Variants in CSGALNACT1 observed in about 807,000 individuals in gnomAD.
CSGALNACT1 encodes the protein beta4GalNAcT-1.
Under a neutral mutation model 51.0 loss-of-function variants are expected in CSGALNACT1, and 52 were observed. The observed-to-expected ratio is 1.02, with a 90% confidence interval of 0.82 to 1.29. CSGALNACT1 has a LOEUF of 1.29. Ranked by LOEUF, CSGALNACT1 falls within the 50% of genes most tolerant of loss-of-function variation. The pLI, the probability that CSGALNACT1 is intolerant of heterozygous loss-of-function variation, is 0.00. For synonymous variants in CSGALNACT1, 341 were observed against 254.4 expected, an observed-to-expected ratio of 1.34 and a Z score of -3.24; for missense variants, 935 against 679.2, an observed-to-expected ratio of 1.38 and a Z score of -4.19.
At chr8:19,731,367 G>A (rs2063683021) in intron 1 of CSGALNACT1, among the ~76,000 whole-genome samples, 1 of 152,090 alleles carries the variant, frequency 6.6e-6, no homozygotes, top group Admixed American at 6.6e-5. Context: ...AATTAGGCAG[G>A]CGTGGTGGCC....
At chr8:19,444,197 C>A (rs1201861208) in intron 5 of CSGALNACT1, among the ~76,000 whole-genome samples, 1 of 152,168 alleles carries the variant, frequency 6.6e-6, no homozygotes, top group Non-Finnish European at 1.5e-5. Context: ...GGGATATAAC[C>A]TACATACATC....
intron 1 of CSGALNACT1, among the ~76,000 whole-genome samples, chr8:19,628,969 G>C (rs533948314): frequency 6.6e-6 from 1 of 152,300 alleles, no homozygotes; most frequent in East Asian, 1.9e-4. Context: ...CCATAGGAAA[G>C]ACTGTATTCC....
intron 3 of CSGALNACT1, among the ~76,000 whole-genome samples, chr8:19,559,952 T>A (rs2040337574): frequency 1.3e-5 from 2 of 152,172 alleles, no homozygotes; most frequent in Admixed American, 6.5e-5. Context: ...AAGACTCTCT[T>A]GAAGTACCAG....
chr8:19,479,635 T>C (rs2070784261), intron 4 of CSGALNACT1, among the ~76,000 whole-genome samples: 1 of 151,850 alleles, frequency 6.6e-6, no homozygotes, highest in Non-Finnish European at 1.5e-5. Flanking sequence ...ACCAGGCAAA[T>C]ACCCAGAATT....
intron 1 of CSGALNACT1, among the ~76,000 whole-genome samples, chr8:19,653,006 TATAAGTTTGGGAGGC>T (rs2057950183): frequency 6.6e-6 from 1 of 152,112 alleles, no homozygotes; most frequent in Non-Finnish European, 1.5e-5. Context: ...TATAACTACT[TATAAGTTTGGGAGGC>T]ATAAGCATAC....
At chr8:19,476,229 CCA>C (rs2069588097) in intron 4 of CSGALNACT1, among the ~76,000 whole-genome samples, 1 of 151,978 alleles carries the variant, frequency 6.6e-6, no homozygotes. Context: ...GTGTACTCCC[CCA>C]GTTTTTTGTT....
chr8:19,499,022 G>A (rs894229465), intron 4 of CSGALNACT1, among the ~76,000 whole-genome samples: 1 of 152,318 alleles, frequency 6.6e-6, no homozygotes, highest in African/African-American at 2.4e-5. Context: ...AGCCGAGGTG[G>A]AGGAATCACT....
intron 1 of CSGALNACT1, among the ~76,000 whole-genome samples, chr8:19,634,118 A>G (rs1446110983): frequency 6.6e-6 from 1 of 152,232 alleles, no homozygotes; most frequent in East Asian, 1.9e-4. Context: ...AATTTTACCT[A>G]AAAGTTAAGT....
At chr8:19,646,227 A>G (rs1304828937) in intron 1 of CSGALNACT1, among the ~76,000 whole-genome samples, 2 of 152,222 alleles carry the variant, frequency 1.3e-5, no homozygotes, top group Admixed American at 6.5e-5. Flanking sequence ...AAATAAGAAC[A>G]CTGCCTGGCA....
chr8:19,684,493 C>T (rs1305164714), upstream of CSGALNACT1, among the ~76,000 whole-genome samples: 1 of 152,088 alleles, frequency 6.6e-6, no homozygotes, highest in African/African-American at 2.4e-5. Flanking sequence ...GGAATTGTCT[C>T]ACTCCTGCTG....
chr8:19,550,033 T>A (rs927785539), intron 3 of CSGALNACT1, among the ~76,000 whole-genome samples: 1 of 152,202 alleles, frequency 6.6e-6, no homozygotes, highest in African/African-American at 2.4e-5. Context: ...TTCCATTCAT[T>A]GTGCTGGGCA....
intron 3 of CSGALNACT1, among the ~76,000 whole-genome samples, chr8:19,530,336 A>G (rs984930960): frequency 6.6e-6 from 1 of 151,484 alleles, no homozygotes; most frequent in Non-Finnish European, 1.5e-5. Context: ...ACACACACAC[A>G]CACGCACACA....
At position 19,724,185 on chromosome 8, in the gene CSGALNACT1, C is replaced by G. The variant is rs548155420; in HGVS notation, c.-297+33665G>C. 1.2e-3 allele frequency among the ~76,000 whole-genome samples: 177 copies of G among 152,308 alleles called. 3 individuals are homozygous for G. In the South Asian group the frequency reaches 0.018, roughly 15 times the overall value. On this transcript the variant is annotated intron_variant, in intron 1 of 1. Transcript: ENST00000517494. ...TCCCAGGGCTGCGACTACAAACTAC[C>G]TCAAACCTGGCAGCCTAAAACCACC...
chr8:19,477,426 G>A lies in CSGALNACT1; in HGVS notation c.635-18784C>T, dbSNP rs143909452. 1.3e-4 allele frequency among the ~76,000 whole-genome samples: 20 copies of A among 152,288 alleles called. No individual in the cohort carries two copies. The East Asian group carries it at 1.4e-3, about 10-fold the overall frequency. ...AGCCTAGAAAACTTTTCCAGCGGAC[G>A]ATAGCACACTCTTACTTTGGCCATA... On this transcript the variant is annotated intron_variant, in intron 4 of 9. Coordinates refer to ENST00000454498, the Ensembl canonical transcript of CSGALNACT1.
intron 3 of CSGALNACT1, among the ~76,000 whole-genome samples, chr8:19,581,964 A>G (rs1257885995): frequency 1.3e-5 from 2 of 152,258 alleles, no homozygotes; most frequent in African/African-American, 2.4e-5. Context: ...AAAATAATTC[A>G]GATGTAAAGG....
intron 1 of CSGALNACT1, among the ~76,000 whole-genome samples, chr8:19,702,749 C>T (rs1037774683): frequency 2.0e-5 from 3 of 152,078 alleles, no homozygotes; most frequent in Non-Finnish European, 2.9e-5. Flanking sequence ...TACCAGACCT[C>T]GTCCTCAAGA....
chr8:19,704,858 T>C (rs1050153135), intron 1 of CSGALNACT1, among the ~76,000 whole-genome samples: 14 of 152,182 alleles, frequency 9.2e-5, no homozygotes, highest in Admixed American at 7.9e-4. Context: ...AGAAAAACAT[T>C]GCTCAATCTC....
intron 4 of CSGALNACT1, among the ~76,000 whole-genome samples, chr8:19,498,469 T>G (rs2075855366): frequency 6.6e-6 from 1 of 152,206 alleles, no homozygotes; most frequent in African/African-American, 2.4e-5. Flanking sequence ...ACCATTCATG[T>G]GCAGGGCGCT....
intron 1 of CSGALNACT1, among the ~76,000 whole-genome samples, chr8:19,620,106 A>T (rs2053618644): frequency 6.6e-6 from 1 of 152,146 alleles, no homozygotes; most frequent in African/African-American, 2.4e-5. Flanking sequence ...TGAGGCCAGG[A>T]GTTCAAGACC....
Sources: allele counts gnomAD v4.1 joint callset (sites outside exome capture counted in the v4.1 genomes callset), GRCh38; gene constraint gnomAD v4.1.1; transcripts MANE v1.5; gene names NCBI Gene and HGNC (gene_info 2026-07-23, HGNC 2026-07-21).